Variants in ASPM observed in about 807,000 individuals in gnomAD.
ASPM encodes assembly factor for spindle microtubules.
ASPM carries 256 observed loss-of-function variants against 366.4 expected under a neutral mutation model. The ratio of observed to expected loss-of-function variants is 0.70; its 90% CI spans 0.63 to 0.77. The LOEUF is 0.77. Among genes scored for constraint, ASPM ranks in the 30% least tolerant of loss-of-function variants. The pLI is 0.00. For synonymous variants in ASPM, 1,414 were observed against 1,342.9 expected, an observed-to-expected ratio of 1.05 and a Z score of -1.16; for missense variants, 4,146 against 4,090.4, an observed-to-expected ratio of 1.01 and a Z score of -0.37.
Position 197,104,121 on chromosome 1 carries a change from T to C in ASPM, c.5130A>G (p.Gln1710=), listed in dbSNP as rs1447254982. ...HLRAAALFIQ[Q]CYRSKKIAAQ... is the part of the protein sequence containing the mutation. ...CAGCTATTTTTTTGGAACGGTAACA[T>C]TGCTGGATAAATAGTGCAGCTGCTC... The change falls in exon 18 of 28, where the codon CAA becomes CAG. Residue 1710 remains glutamine (Q), a synonymous_variant. Coordinates refer to ENST00000367409, the MANE Select transcript of ASPM (RefSeq NM_018136.5). The C allele has an allele frequency of 1.2e-6, 2 of 1,613,008 alleles. No individual in the cohort carries two copies. Among genetic ancestry groups the C allele is most frequent in the Admixed American group, 1.7e-5 (1 of 59,834 alleles).
In ASPM at chr1:197,090,217, G is replaced by C; in HGVS notation, c.9808C>G (p.Leu3270Val). The C allele has an allele frequency of 6.2e-7, 1 of 1,613,448 alleles. No homozygotes were observed. The highest frequency in any genetic ancestry group is 8.5e-7 in the Non-Finnish European group (1 of 1,179,654). The change falls in exon 24 of 28, where the codon CTT (leucine) becomes GTT (valine). Residue 3270 changes from leucine (L) to valine (V), a missense_variant. Physicochemically the swap from Leu to Val is conservative, Grantham distance 32 (BLOSUM62 1). This residue lies in a region of ASPM where 3,624 missense variants were observed against 3,591.7 expected (regional missense o/e 1.01). Transcript: ENST00000367409. ...TAACCTAGGTGTTTTAAGGCCTCAAGAATGGCAGAAAGGTGCTTATATGTC... is the reference window on the plus strand; with the variant it reads ...TAACCTAGGTGTTTTAAGGCCTCAACAATGGCAGAAAGGTGCTTATATGTC... ...LLTYKHLSAI[L>V]EALKHLEVVT...
At chr1:197,144,216 T>C in intron 1 of ASPM, 116 bp from the exon 2 acceptor site, 2 of 687,588 alleles carry the variant, frequency 2.9e-6, no homozygotes, top group East Asian at 2.8e-5. Flanking sequence ...ACACTCTATA[T>C]ACTAAACATT....
At chr1:197,114,664 T>A (rs1320497642) in intron 17 of ASPM, among the ~76,000 whole-genome samples, 1 of 152,192 alleles carries the variant, frequency 6.6e-6, no homozygotes, top group African/African-American at 2.4e-5. Flanking sequence ...GCCTTGAATT[T>A]CCAGGCTCAA....
At chr1:197,086,688 T>G in intron 27 of ASPM, 115 bp downstream of exon 27, 1 of 886,036 alleles carries the variant, frequency 1.1e-6, no homozygotes, top group Non-Finnish European at 1.9e-6. Context: ...TTCTTATTCA[T>G]ATGTTGTTTC....
chr1:197,119,367 C>G (rs1657837892), intron 16 of ASPM, among the ~76,000 whole-genome samples: 1 of 152,078 alleles, frequency 6.6e-6, no homozygotes, highest in East Asian at 1.9e-4. Flanking sequence ...ATAAAATTTT[C>G]AAATGTTGCA....
chr1:197,143,094 T>C lies in ASPM; in HGVS notation c.1158A>G (p.Ser386=), dbSNP rs777699287. 8 of 1,613,132 alleles carry C rather than the reference T, an allele frequency of 5.0e-6. No individual in the cohort carries two copies. Among genetic ancestry groups the C allele is most frequent in the Non-Finnish European group, 6.8e-6 (8 of 1,179,170 alleles). ...YGLNQDLESE[S]VNPILSPNQF... The stretch of plus-strand genomic sequence containing the variant: ...GATTAGGGGATAAAATAGGATTAAC[T>C]GACTCTGATTCTAGATCCTGATTTA... The change falls in exon 3 of 28, where the codon TCA becomes TCG. Residue 386 remains serine (S), a synonymous_variant. Coordinates refer to ENST00000367409, the MANE Select transcript of ASPM (RefSeq NM_018136.5).
chr1:197,138,289 T>C (rs182159805), intron 4 of ASPM, among the ~76,000 whole-genome samples: 174 of 152,280 alleles, frequency 1.1e-3, no homozygotes, highest in Non-Finnish European at 1.1e-3. Context: ...ACAGGACCTG[T>C]CTTCAGGGAG....
chr1:197,100,651 T>TA lies in ASPM; in HGVS notation c.8599_8600insT (p.Gln2867LeufsTer5). The TA allele has an allele frequency of 6.2e-7, 1 of 1,612,290 alleles. No homozygotes were observed. The highest frequency in any genetic ancestry group is 8.5e-7 in the Non-Finnish European group (1 of 1,178,968). On this transcript the variant is annotated frameshift_variant, in exon 18 of 28. Coordinates refer to ENST00000367409, the MANE Select transcript of ASPM (RefSeq NM_018136.5). LOFTEE classifies it high-confidence loss of function. ...GGTTTGCCACGTCCTAAAATAATGC[T>TA]GTAAAGTGATAGCAGCTCTTTTCTG...
chr1:197,086,986 T>A lies in ASPM; in HGVS notation c.10162-14A>T, dbSNP rs1656611770. 7 of 1,600,538 alleles carry A rather than the reference T, an allele frequency of 4.4e-6. No homozygotes were observed. Among genetic ancestry groups the A allele is most frequent in the Non-Finnish European group, 5.1e-6 (6 of 1,175,232 alleles). On this transcript the variant is annotated splice_polypyrimidine_tract_variant and intron_variant, in intron 26 of 27. Transcript: ENST00000367409. ...ACTTCGTACATCCTACAAAATAAAA[T>A]GCACAGTTACTAAAAAGTAATAAGA...
chr1:197,102,920 TTCTAAC>T lies in ASPM; in HGVS notation c.6325_6330del (p.Val2109_Arg2110del), dbSNP rs764040938. On this transcript the variant is annotated inframe_deletion, in exon 18 of 28. Transcript: ENST00000367409. Reference sequence around the variant, plus strand: ...GCCCTGTGCATGTGTTGAATATGTCTTCTAACTCTAATACCTCTATAAACAGATTGG... The same window carrying T: ...GCCCTGTGCATGTGTTGAATATGTCTTCTAATACCTCTATAAACAGATTGG... 2.5e-6 allele frequency: 4 copies of T among 1,612,560 alleles called. No homozygotes were observed. The highest frequency in any genetic ancestry group is 3.4e-6 in the Non-Finnish European group (4 of 1,179,204).
intron 4 of ASPM, among the ~76,000 whole-genome samples, chr1:197,137,983 T>C (rs1462181194): frequency 3.3e-5 from 5 of 152,166 alleles, no homozygotes; most frequent in Non-Finnish European, 1.5e-5. Context: ...ATAAAAACTA[T>C]CAAGAAATTA....
Position 197,103,418 on chromosome 1 carries a change from T to C in ASPM, c.5833A>G (p.Ile1945Val), listed in dbSNP as rs147466865. The C allele has an allele frequency of 2.7e-4, 428 of 1,613,256 alleles. No homozygotes were observed. The highest frequency in any genetic ancestry group is 3.3e-4 in the Middle Eastern group (2 of 6,058). The stretch of plus-strand genomic sequence containing the variant: ...ACCAGTACCGCATGACGGAGTTCAA[T>C]ATACTCCATACATTGCTTCCTTCCT... ...TAGRKQCMEY[I>V]ELRHAVLVLQ... Residue 1945 changes from isoleucine (I) to valine (V), a missense_variant, in exon 18 of 28, where the codon ATT (isoleucine) becomes GTT (valine). Coordinates refer to ENST00000367409, the MANE Select transcript of ASPM (RefSeq NM_018136.5).
In ASPM at chr1:197,103,416, A is replaced by C. The variant is rs760616892; in HGVS notation, c.5835T>G (p.Ile1945Met). ...TAGRKQCMEY[I>M]ELRHAVLVLQ... is the part of the protein sequence containing the mutation. ...GCACCAGTACCGCATGACGGAGTTC[A>C]ATATACTCCATACATTGCTTCCTTC... Residue 1945 changes from isoleucine to methionine, a missense_variant, in exon 18 of 28, where the codon ATT becomes ATG. By Grantham distance (10) the Ile-to-Met change is conservative. This residue lies in a region of ASPM where 3,624 missense variants were observed against 3,591.7 expected (regional missense o/e 1.01). Coordinates refer to ENST00000367409, the MANE Select transcript of ASPM (RefSeq NM_018136.5). 1 of 1,613,232 alleles carries C rather than the reference A, an allele frequency of 6.2e-7. No individual in the cohort carries two copies. The highest frequency in any genetic ancestry group is 8.5e-7 in the Non-Finnish European group (1 of 1,179,450).
At chr1:197,135,606 T>G (rs1557962018) in intron 4 of ASPM, among the ~76,000 whole-genome samples, 1 of 147,484 alleles carries the variant, frequency 6.8e-6, no homozygotes, top group Non-Finnish European at 1.5e-5. Context: ...GGGATATCCA[T>G]CACCTTAAAT....
chr1:197,084,456 T>A, intron 27 of ASPM, 30 bp from the exon 28 acceptor site: 11 of 1,423,982 alleles, frequency 7.7e-6, no homozygotes, highest in Non-Finnish European at 1.1e-5. Context: ...AGTCTGGCAT[T>A]AATAAAGTTC....
Position 197,143,265 on chromosome 1 carries a change from A to G in ASPM, c.987T>C (p.Asn329=). ...DSFVNNSHGA[N]NELELVTCLS... ...GACATGTTACTAATTCTAGTTCATT[A>G]TTAGCTCCATGACTATTATTTACAA... The change falls in exon 3 of 28, where the codon AAT becomes AAC. Residue 329 remains asparagine (N), a synonymous_variant. Transcript: ENST00000367409. 1 of 1,612,840 alleles carries G rather than the reference A, an allele frequency of 6.2e-7. No homozygotes were observed. Among genetic ancestry groups the G allele is most frequent in the Non-Finnish European group, 8.5e-7 (1 of 1,178,966 alleles).
rs1658003852 is a variant in ASPM, at chr1:197,124,160, TTA to T, written c.3338_3339del (p.Ile1113LysfsTer15). 3 of 1,612,650 alleles carry T rather than the reference TTA, an allele frequency of 1.9e-6. No individual in the cohort carries two copies. Among genetic ancestry groups the T allele is most frequent in the Admixed American group, 1.7e-5 (1 of 59,962 alleles). On this transcript the variant is annotated frameshift_variant, in exon 13 of 28. Transcript: ENST00000367409. LOFTEE classifies it high-confidence loss of function. ...GCATTTACCCAATCCATCAATAACT[TTA>T]TGTTTTCACTATATTGTTCAAAGGA... is the stretch of plus-strand genomic sequence containing the variant. ...SGSFEQYSEN[I>X]KLLMDWVNAV...
Position 197,124,163 on chromosome 1 carries a change from T to C in ASPM, c.3337A>G (p.Ile1113Val). Residue 1113 changes from isoleucine (I) to valine (V), a missense_variant, in exon 13 of 28, where the codon ATA (isoleucine) becomes GTA (valine). Ile to Val is a conservative substitution (Grantham distance 29, BLOSUM62 3). Around this residue, in one of 3 missense-constraint regions of ASPM, gnomAD observed 3,624 missense variants for 3,591.7 expected, o/e 1.01. Coordinates refer to ENST00000367409, the MANE Select transcript of ASPM (RefSeq NM_018136.5). ...SGSFEQYSENIKLLMDWVNAV... is the reference protein window; with the variant it reads ...SGSFEQYSENVKLLMDWVNAV... ...TTTACCCAATCCATCAATAACTTTA[T>C]GTTTTCACTATATTGTTCAAAGGAA... The C allele has an allele frequency of 1.2e-6, 2 of 1,612,842 alleles. No homozygotes were observed. The highest frequency in any genetic ancestry group is 1.7e-6 in the Non-Finnish European group (2 of 1,179,290).
At chr1:197,125,736 C>CTA (rs1325659921) in intron 10 of ASPM, among the ~76,000 whole-genome samples, 3 of 151,670 alleles carry the variant, frequency 2.0e-5, no homozygotes, top group South Asian at 2.1e-4. Flanking sequence ...ACAGTAATTC[C>CTA]TATATATATA....
Sources: gnomAD v4.1 joint callset for allele counts (sites outside exome capture counted in the v4.1 genomes callset) on GRCh38, gnomAD v4.1.1 for gene constraint, gnomAD v4.1.1 regional missense constraint, MANE v1.5 for transcripts, NCBI Gene and HGNC (gene_info 2026-07-23, HGNC 2026-07-21) for gene names.